The following U2SURP variants were observed in gnomAD, a reference collection of about 807,000 sequenced individuals.
U2SURP encodes U2 snRNP associated SURP domain containing, also known as U2 snRNP-associated SURP motif-containing protein.
In U2SURP, 9 loss-of-function variants were observed where a neutral mutation model predicts 144.9. The observed-to-expected ratio is 0.06, with a 90% confidence interval of 0.04 to 0.11. The LOEUF is 0.11. Ranked by LOEUF, U2SURP falls within the 10% of genes least tolerant of loss-of-function variation. The pLI is 1.00. For missense variants in U2SURP, 724 were observed against 1,226.7 expected, an observed-to-expected ratio of 0.59 and a Z score of 6.12; for synonymous variants, 408 against 396.8, an observed-to-expected ratio of 1.03 and a Z score of -0.33.
chr3:143,011,893 C>T (rs1444311511), intron 2 of U2SURP: 27 of 470,392 alleles, frequency 5.7e-5, no homozygotes, highest in Non-Finnish European at 1.1e-4. Flanking sequence ...ACCAGTTTTA[C>T]TTGGGAGTGA....
intron 4 of U2SURP, 83 bp from the exon 5 acceptor site, chr3:143,016,174 C>A: frequency 1.6e-6 from 2 of 1,218,080 alleles, no homozygotes; most frequent in Non-Finnish European, 2.4e-6. Context: ...GGTTTTCGTC[C>A]ATATTATTCC....
intron 26 of U2SURP, among the ~76,000 whole-genome samples, 179 bp downstream of exon 26, chr3:143,053,973 C>T (rs73867483): frequency 5.0e-4 from 76 of 152,276 alleles, no homozygotes; most frequent in African/African-American, 1.8e-3. Context: ...TGGCACTTGA[C>T]TTAGTTAACC....
intron 1 of U2SURP, among the ~76,000 whole-genome samples, chr3:143,003,949 C>G (rs543467981): frequency 3.9e-5 from 6 of 152,324 alleles, no homozygotes; most frequent in Non-Finnish European, 8.8e-5. Flanking sequence ...CTCAGCCTCC[C>G]AAAGTGATGG....
rs78652632 is a variant in U2SURP at position 143,036,713 on chromosome 3, C to T, written c.2065-466C>T. Reference sequence around the variant, plus strand: ...GTCCTTCCCTCTTTCTGGGACTTATCTTCACCTGAGATCCTTCAGATCTCA... The same window carrying T: ...GTCCTTCCCTCTTTCTGGGACTTATTTTCACCTGAGATCCTTCAGATCTCA... On this transcript the variant is annotated intron_variant, in intron 20 of 27. Transcript: ENST00000473835. Among the ~76,000 whole-genome samples, 606 of 152,268 alleles carry T rather than the reference C, an allele frequency of 4.0e-3. 13 individuals carry two copies. In the East Asian group the frequency reaches 0.064, roughly 16 times the overall value.
intron 1 of U2SURP, among the ~76,000 whole-genome samples, chr3:143,008,995 C>T (rs186247452): frequency 6.6e-5 from 10 of 152,316 alleles, no homozygotes; most frequent in Admixed American, 2.6e-4. Flanking sequence ...CCGCCTCGGC[C>T]TCCCAAAGTG....
rs1370319625 is a variant in U2SURP, at chr3:143,046,517, TGACTCTTAAC to T, written c.2544+3244_2544+3253del. ...GGTACTTGAGATTAGGGAGTGGTGATGACTCTTAACGAGCATGCTGCCTTCAAGCATCTGT... is the reference window on the plus strand; with the variant it reads ...GGTACTTGAGATTAGGGAGTGGTGATGAGCATGCTGCCTTCAAGCATCTGT... On this transcript the variant is annotated intron_variant, in intron 24 of 27. Transcript: ENST00000473835. Among the ~76,000 whole-genome samples, 175 of 112,262 alleles carry T rather than the reference TGACTCTTAAC, an allele frequency of 1.6e-3. 1 individual carries two copies. The highest frequency in any genetic ancestry group is 6.4e-3 in the African/African-American group (165 of 25,748). The allele number at this position is 112,262 out of a possible 152,430, so 73.6% of individuals were successfully genotyped here. A position where few individuals can be genotyped will look rare whatever the true frequency, so the allele number is the denominator to read the frequency against.
intron 23 of U2SURP, among the ~76,000 whole-genome samples, chr3:143,041,735 T>C (rs190533857): frequency 3.3e-5 from 5 of 152,176 alleles, no homozygotes; most frequent in African/African-American, 1.2e-4. Flanking sequence ...TCTACATGTA[T>C]ATTAAAAGGA....
chr3:143,010,340 ACTTTGCAGAATTTGTAC>A (rs1382267060), intron 1 of U2SURP, among the ~76,000 whole-genome samples: 13 of 152,200 alleles, frequency 8.5e-5, no homozygotes, highest in Non-Finnish European at 4.4e-5. Flanking sequence ...ATTTTCTGGA[ACTTTGCAGAATTTGTAC>A]CTTTTAATAG....
In U2SURP at chr3:143,057,792, A is replaced by T. The variant is rs1376855405; in HGVS notation, c.*1342A>T. 1 of 151,996 alleles carries T rather than the reference A, an allele frequency of 6.6e-6. No homozygotes were observed. The highest frequency in any genetic ancestry group is 1.5e-5 in the Non-Finnish European group (1 of 67,812). The allele number at this position is 151,996 out of a possible 1,614,324, so 9.4% of individuals were successfully genotyped here. A position where few individuals can be genotyped will look rare whatever the true frequency, so the allele number is the denominator to read the frequency against. ...ATTATTTTGATTTAGCTTGCTTTTT[A>T]AAAAAATCTTTTCAACTTGTTTTAC... On this transcript the variant is annotated 3_prime_UTR_variant, in exon 28 of 28. Transcript: ENST00000473835.
chr3:143,027,888 A>C lies in U2SURP; in HGVS notation c.1380-452A>C, dbSNP rs146604552. 2.6e-5 allele frequency among the ~76,000 whole-genome samples: 4 copies of C among 152,320 alleles called. No homozygotes were observed. The East Asian group carries it at 7.7e-4, about 29-fold the overall frequency. On this transcript the variant is annotated intron_variant, in intron 14 of 27. Coordinates refer to ENST00000473835, the MANE Select transcript of U2SURP (RefSeq NM_001080415.2). ...ATTCTCTAGGAGGAAAATACATTTCATTATGCTTTTCAATGAAGGAATCAT... is the reference window on the plus strand; with the variant it reads ...ATTCTCTAGGAGGAAAATACATTTCCTTATGCTTTTCAATGAAGGAATCAT...
chr3:143,013,767 G>C (rs1205376981), intron 3 of U2SURP, among the ~76,000 whole-genome samples: 1 of 151,974 alleles, frequency 6.6e-6, no homozygotes, highest in Admixed American at 6.6e-5. Flanking sequence ...AATATTGTAG[G>C]TGATATTTTA....
chr3:143,034,215 C>G (rs1225837126), intron 18 of U2SURP, among the ~76,000 whole-genome samples: 1 of 152,112 alleles, frequency 6.6e-6, no homozygotes, highest in Non-Finnish European at 1.5e-5. Flanking sequence ...ACCACCCTGG[C>G]CAACGTGGTG....
chr3:143,009,693 G>A (rs1259129639), intron 1 of U2SURP, among the ~76,000 whole-genome samples: 3 of 152,220 alleles, frequency 2.0e-5, no homozygotes, highest in South Asian at 2.1e-4. Flanking sequence ...ATGCTAATGC[G>A]CAATACAGTG....
rs1191136456 is a variant in U2SURP at position 143,010,983 on chromosome 3, CT to C, written c.90+132del. The C allele has an allele frequency of 3.2e-5, 21 of 652,428 alleles. No individual in the cohort carries two copies. The East Asian group carries it at 3.9e-4, about 12-fold the overall frequency. 40.4% of individuals were successfully genotyped at this position (652,428 alleles called of 1,614,324 possible). A position where few individuals can be genotyped will look rare whatever the true frequency, so the allele number is the denominator to read the frequency against. On this transcript the variant is annotated intron_variant, in intron 2 of 27. Coordinates refer to ENST00000473835, the MANE Select transcript of U2SURP (RefSeq NM_001080415.2). ...ATTGTATGTGCTTTTTTCTTTTACT[CT>C]TTTTTTTCTAGGCGCCTTCCTTTTT...
In U2SURP at chr3:143,042,586, T is replaced by A. The variant is rs536392528; in HGVS notation, c.2385-531T>A. 1.2e-4 allele frequency among the ~76,000 whole-genome samples: 19 copies of A among 152,222 alleles called. No homozygotes were observed. In the East Asian group the frequency reaches 3.7e-3, roughly 29 times the overall value. ...TACACTGTACCCAATATATAGTCTTTTATCCCTCACCCCCCTCCCATCCTT... is the reference window on the plus strand; with the variant it reads ...TACACTGTACCCAATATATAGTCTTATATCCCTCACCCCCCTCCCATCCTT... On this transcript the variant is annotated intron_variant, in intron 23 of 27. Coordinates refer to ENST00000473835, the MANE Select transcript of U2SURP (RefSeq NM_001080415.2).
chr3:143,022,668 A>G lies in U2SURP; in HGVS notation c.1018+6A>G. On this transcript the variant is annotated splice_donor_region_variant and intron_variant, in intron 11 of 27. Coordinates refer to ENST00000473835, the MANE Select transcript of U2SURP (RefSeq NM_001080415.2). ...AGCTTTAAAAAATTTGAATGGTAAG[A>G]ACATTTTTATTATCCATTTATACAA... The G allele has an allele frequency of 6.2e-7, 1 of 1,606,688 alleles. No individual in the cohort carries two copies. Among genetic ancestry groups the G allele is most frequent in the Non-Finnish European group, 8.5e-7 (1 of 1,177,180 alleles).
intron 25 of U2SURP, among the ~76,000 whole-genome samples, chr3:143,052,697 G>C (rs570116134): frequency 6.6e-6 from 1 of 152,192 alleles, no homozygotes; most frequent in African/African-American, 2.4e-5. Context: ...AGCATTTACT[G>C]TCTGGCTCTG....
At chr3:143,038,772 C>T (rs887883000) in intron 22 of U2SURP, 122 bp from the exon 23 acceptor site, 12 of 626,408 alleles carry the variant, frequency 1.9e-5, no homozygotes, top group Non-Finnish European at 2.9e-5. Context: ...AATTGATAAA[C>T]ATAGATTAAA....
rs1482564467 is a variant in U2SURP, at chr3:143,054,997, A to G, written c.2829A>G (p.Arg943=). The change falls in exon 27 of 28, where the codon CGA becomes CGG. Residue 943 remains arginine, a synonymous_variant. Coordinates refer to ENST00000473835, the MANE Select transcript of U2SURP (RefSeq NM_001080415.2). Reference sequence around the variant, plus strand: ...CATCTCGCAGTAGCAGTGGTAGACGAGTGAAATCCCCATCACCAAAATCGG... The same window carrying G: ...CATCTCGCAGTAGCAGTGGTAGACGGGTGAAATCCCCATCACCAAAATCGG... The part of the protein sequence containing the change: ...PSPSRSSSGR[R]VKSPSPKSER... The G allele has an allele frequency of 1.2e-6, 2 of 1,609,950 alleles. No homozygotes were observed.
Sources: gnomAD v4.1 joint callset for allele counts (sites outside exome capture counted in the v4.1 genomes callset) on GRCh38, gnomAD v4.1.1 for gene constraint, MANE v1.5 for transcripts, NCBI Gene and HGNC (gene_info 2026-07-23, HGNC 2026-07-21) for gene names.